The following BCKDHB variants were observed in gnomAD, a reference collection of about 807,000 sequenced individuals.
BCKDHB encodes the protein branched chain keto acid dehydrogenase E1 subunit beta.
A neutral mutation model predicts 48.5 loss-of-function variants in BCKDHB; 41 were observed. That is an observed-to-expected ratio of 0.85 (90% CI 0.66 to 1.10). BCKDHB has a LOEUF of 1.10. Ranked by LOEUF, BCKDHB falls within the 50% of genes least tolerant of loss-of-function variation. The pLI is 0.00. For missense variants in BCKDHB, 496 were observed against 494.2 expected, an observed-to-expected ratio of 1.00 and a Z score of -0.03; for synonymous variants, 201 against 174.8, an observed-to-expected ratio of 1.15 and a Z score of -1.18.
intron 1 of BCKDHB, among the ~76,000 whole-genome samples, chr6:80,122,127 TGG>T (rs1398900031): frequency 2.0e-5 from 3 of 152,268 alleles, no homozygotes; most frequent in Non-Finnish European, 4.4e-5. Context: ...TTTTTGTCAT[TGG>T]TTCTGTTTAT....
chr6:80,183,381 G>A (rs1326077764), intron 6 of BCKDHB, among the ~76,000 whole-genome samples: 1 of 152,144 alleles, frequency 6.6e-6, no homozygotes, highest in East Asian at 1.9e-4. Flanking sequence ...TTGTAAGAGT[G>A]AAAACCTTGT....
intron 8 of BCKDHB, among the ~76,000 whole-genome samples, chr6:80,256,178 A>G (rs978241831): frequency 2.6e-5 from 4 of 152,192 alleles, no homozygotes; most frequent in African/African-American, 9.6e-5. Flanking sequence ...ATTTATATGT[A>G]TTGGCATGTT....
rs1321428084 is a variant in BCKDHB, at chr6:80,113,438, T to TCC, written c.196+6550_196+6551dup. On this transcript the variant is annotated intron_variant, in intron 1 of 9. Coordinates refer to ENST00000320393, the MANE Select transcript of BCKDHB (RefSeq NM_183050.4). The stretch of plus-strand genomic sequence containing the variant: ...AACTGGGCGGTGGTGGTCAGGTGCT[T>TCC]CCACATAGAAAACTCTTGGTTTCAC... Among the ~76,000 whole-genome samples the TCC allele has an allele frequency of 4.6e-5, 7 of 152,334 alleles. No homozygotes were observed. The East Asian group carries it at 1.4e-3, about 29-fold the overall frequency.
the BCKDHB span, among the ~76,000 whole-genome samples, chr6:80,411,834 G>A: frequency 2.0e-5 from 3 of 152,226 alleles, no homozygotes; most frequent in Non-Finnish European, 4.4e-5. Flanking sequence ...GCAGTGTTTA[G>A]GCAGAAGTGT....
the BCKDHB span, among the ~76,000 whole-genome samples, chr6:80,443,725 G>A: frequency 6.6e-6 from 1 of 152,124 alleles, no homozygotes; most frequent in African/African-American, 2.4e-5. Flanking sequence ...GCCCAGGCTA[G>A]TTTCAAACTC....
At chr6:80,378,327 C>T in the BCKDHB span, among the ~76,000 whole-genome samples, 1,168 of 152,178 alleles carry the variant, frequency 7.7e-3, 12 homozygotes, top group African/African-American at 0.027. Context: ...AATGAGAACA[C>T]GTGATATTTG....
At chr6:80,379,545 G>A in the BCKDHB span, among the ~76,000 whole-genome samples, 1 of 151,976 alleles carries the variant, frequency 6.6e-6, no homozygotes, top group Non-Finnish European at 1.5e-5. Context: ...ACAAGATAAG[G>A]TTGTCCACTC....
intron 9 of BCKDHB, among the ~76,000 whole-genome samples, chr6:80,282,231 T>A (rs867320755): frequency 3.9e-5 from 6 of 152,272 alleles, no homozygotes; most frequent in Middle Eastern, 6.8e-3. Context: ...ATGCTAATTT[T>A]AAAAATGTAA....
At chr6:80,193,917 A>G (rs1326843653) in intron 6 of BCKDHB, among the ~76,000 whole-genome samples, 1 of 152,190 alleles carries the variant, frequency 6.6e-6, no homozygotes, top group Non-Finnish European at 1.5e-5. Flanking sequence ...ACTCAGTTAA[A>G]TTTATCCAGG....
At chr6:80,170,239 T>C (rs1022134150) in intron 5 of BCKDHB, among the ~76,000 whole-genome samples, 1 of 152,210 alleles carries the variant, frequency 6.6e-6, no homozygotes, top group African/African-American at 2.4e-5. Context: ...TGCTGCTCTT[T>C]TATTTTTAAA....
the BCKDHB span, among the ~76,000 whole-genome samples, chr6:80,404,507 A>G: frequency 1.3e-5 from 2 of 151,746 alleles, no homozygotes; most frequent in African/African-American, 4.8e-5. Flanking sequence ...TCACCTTTTC[A>G]AAAAACAAAG....
intron 8 of BCKDHB, among the ~76,000 whole-genome samples, chr6:80,207,569 G>T (rs1472032737): frequency 2.0e-5 from 3 of 151,662 alleles, no homozygotes; most frequent in Admixed American, 1.3e-4. Context: ...AATAAACCTA[G>T]TAAAAGTCTA....
chr6:80,129,342 T>TC, intron 3 of BCKDHB, 113 bp downstream of exon 3: 1 of 841,836 alleles, frequency 1.2e-6, no homozygotes, highest in Non-Finnish European at 2.0e-6. Flanking sequence ...ATGGATGAAT[T>TC]CCTTTTCATT....
intron 6 of BCKDHB, among the ~76,000 whole-genome samples, chr6:80,199,193 C>T (rs1774268070): frequency 6.6e-6 from 1 of 151,890 alleles, no homozygotes; most frequent in Non-Finnish European, 1.5e-5. Context: ...AAGGGCCCTG[C>T]CTCCTAAGGT....
intron 3 of BCKDHB, among the ~76,000 whole-genome samples, chr6:80,135,369 T>C (rs1028931982): frequency 5.3e-5 from 8 of 152,132 alleles, no homozygotes; most frequent in African/African-American, 1.9e-4. Context: ...TTATTTCCCC[T>C]ATTGAAGTAT....
At chr6:80,300,449 A>G (rs1050995172) in intron 9 of BCKDHB, among the ~76,000 whole-genome samples, 10 of 152,222 alleles carry the variant, frequency 6.6e-5, no homozygotes, top group African/African-American at 2.4e-4. Context: ...CAATCCAATA[A>G]AAAGCCATAA....
chr6:80,388,253 A>G, the BCKDHB span, among the ~76,000 whole-genome samples: 163 of 152,312 alleles, frequency 1.1e-3, no homozygotes, highest in Non-Finnish European at 2.0e-3. Context: ...CACTTGGGCC[A>G]TATGATCCAG....
intron 6 of BCKDHB, among the ~76,000 whole-genome samples, chr6:80,180,505 C>T (rs1481336467): frequency 6.6e-6 from 1 of 152,134 alleles, no homozygotes; most frequent in Non-Finnish European, 1.5e-5. Flanking sequence ...TGACACATGA[C>T]ATCAGTGATA....
At chr6:80,389,845 A>G in the BCKDHB span, among the ~76,000 whole-genome samples, 1 of 152,094 alleles carries the variant, frequency 6.6e-6, no homozygotes, top group Non-Finnish European at 1.5e-5. Flanking sequence ...TTCTCCTATA[A>G]CCAGGATTTA....
Sources: gnomAD v4.1 joint callset for allele counts (sites outside exome capture counted in the v4.1 genomes callset) on GRCh38, gnomAD v4.1.1 for gene constraint, MANE v1.5 for transcripts, NCBI Gene and HGNC (gene_info 2026-07-23, HGNC 2026-07-21) for gene names.